FAM111B: variants seen among roughly 807,000 people sequenced by gnomAD.
The protein encoded by FAM111B is FAM111 trypsin like peptidase B, also known as serine protease FAM111B.
A neutral mutation model predicts 2.8 loss-of-function variants in FAM111B; 1 was observed. The ratio of observed to expected loss-of-function variants is 0.36; its 90% CI spans 0.13 to 1.70. FAM111B has a LOEUF of 1.70. Ranked by LOEUF, FAM111B falls within the 40% of genes most tolerant of loss-of-function variation. FAM111B has a pLI of 0.35. For missense variants in FAM111B, 882 were observed against 878.9 expected, an observed-to-expected ratio of 1.00 and a Z score of -0.04; for synonymous variants, 297 against 295.6, an observed-to-expected ratio of 1.00 and a Z score of -0.05.
intron 3 of FAM111B, among the ~76,000 whole-genome samples, chr11:59,123,543 A>G (rs965090932): frequency 1.3e-5 from 2 of 152,206 alleles, no homozygotes; most frequent in African/African-American, 4.8e-5. Flanking sequence ...TGCACACAAA[A>G]ATGTTATGTT....
chr11:59,113,657 G>C (rs575053561), intron 3 of FAM111B, among the ~76,000 whole-genome samples: 8 of 152,148 alleles, frequency 5.3e-5, no homozygotes, highest in Non-Finnish European at 1.0e-4. Context: ...TCCCTCCCCA[G>C]ACAAAAGCTC....
Position 59,125,957 on chromosome 11 carries a change from A to G in FAM111B, c.1860A>G (p.Val620=). ...ATCTCTATGATACCACCAGTAATGT[A>G]TACTGTATGTTTACCCAAAGAAGTT... ...LVDLYDTTSN[V]YCMFTQRSFL... is the part of the protein sequence containing the mutation. The change falls in exon 4 of 4, where the codon GTA becomes GTG. Residue 620 remains valine (V), a synonymous_variant. Coordinates refer to ENST00000343597, the MANE Select transcript of FAM111B (RefSeq NM_198947.4). The G allele has an allele frequency of 6.2e-7, 1 of 1,613,890 alleles. No homozygotes were observed. The highest frequency in any genetic ancestry group is 8.5e-7 in the Non-Finnish European group (1 of 1,179,834).
chr11:59,112,107 C>A (rs1859767271), intron 3 of FAM111B, among the ~76,000 whole-genome samples: 1 of 152,158 alleles, frequency 6.6e-6, no homozygotes, highest in South Asian at 2.1e-4. Context: ...AGTTCCATCA[C>A]CCTAAATAAT....
intron 3 of FAM111B, among the ~76,000 whole-genome samples, chr11:59,121,267 T>C (rs1443297821): frequency 6.6e-6 from 1 of 151,942 alleles, no homozygotes; most frequent in African/African-American, 2.4e-5. Flanking sequence ...CTAGAATCAA[T>C]AATAAAAAGA....
At chr11:59,112,828 A>T (rs1859780322) in intron 3 of FAM111B, among the ~76,000 whole-genome samples, 1 of 152,162 alleles carries the variant, frequency 6.6e-6, no homozygotes, top group Non-Finnish European at 1.5e-5. Flanking sequence ...TTCCCATTTT[A>T]TACTTGTTAG....
chr11:59,126,414 T>C lies in FAM111B; in HGVS notation c.*112T>C, dbSNP rs1371810460. ...GTGAAAATTGGCAAATGAGACCTAA[T>C]TAAATCTTCTGCACAGCAAAAGAAA... On this transcript the variant is annotated 3_prime_UTR_variant, in exon 4 of 4. Coordinates refer to ENST00000343597, the MANE Select transcript of FAM111B (RefSeq NM_198947.4). 1.5e-5 allele frequency: 12 copies of C among 806,644 alleles called. No individual in the cohort carries two copies. In the South Asian group the frequency reaches 1.5e-4, roughly 10 times the overall value. 50.0% of individuals were successfully genotyped at this position (806,644 alleles called of 1,614,324 possible).
In FAM111B at chr11:59,125,010, G is replaced by T; in HGVS notation, c.913G>T (p.Val305Phe). The T allele has an allele frequency of 6.2e-7, 1 of 1,612,656 alleles. No individual in the cohort carries two copies. The highest frequency in any genetic ancestry group is 8.5e-7 in the Non-Finnish European group (1 of 1,179,684). The stretch of plus-strand genomic sequence containing the variant: ...GAGTCTGATACAGTCTAAGAAAAAA[G>T]TCCACAAACCAAAGAAAGATGGAGA... The part of the protein sequence containing the change: ...HQSLIQSKKK[V>F]HKPKKDGETK... The change falls in exon 4 of 4, where the codon GTC (valine) becomes TTC (phenylalanine). Residue 305 changes from valine to phenylalanine, a missense_variant. Coordinates refer to ENST00000343597, the MANE Select transcript of FAM111B (RefSeq NM_198947.4).
Position 59,124,430 on chromosome 11 carries a change from G to T in FAM111B, c.333G>T (p.Leu111=), listed in dbSNP as rs1859975877. The T allele has an allele frequency of 6.2e-7, 1 of 1,613,524 alleles. No homozygotes were observed. Among genetic ancestry groups the T allele is most frequent in the Admixed American group, 1.7e-5 (1 of 59,986 alleles). Residue 111 remains leucine (L), a synonymous_variant, in exon 4 of 4, where the codon CTG becomes CTT. Transcript: ENST00000343597. ...CCAGCGAGAGTATCTACTCAGCCCT[G>T]AGTGCTAATGACTATTTCAGTGAAA... is the stretch of plus-strand genomic sequence containing the variant. The part of the protein sequence containing the change: ...GKPSESIYSA[L]SANDYFSERI...
At chr11:59,118,987 T>A (rs1859881348) in intron 3 of FAM111B, among the ~76,000 whole-genome samples, 1 of 152,216 alleles carries the variant, frequency 6.6e-6, no homozygotes, top group South Asian at 2.1e-4. Context: ...AGCTAATATA[T>A]CCCTATTGCT....
chr11:59,124,164 T>C lies in FAM111B; in HGVS notation c.82-15T>C. 6.4e-7 allele frequency: 1 copy of C among 1,569,298 alleles called. No homozygotes were observed. Among genetic ancestry groups the C allele is most frequent in the Non-Finnish European group, 8.6e-7 (1 of 1,156,906 alleles). On this transcript the variant is annotated splice_polypyrimidine_tract_variant and intron_variant, in intron 3 of 3. Transcript: ENST00000343597. ...AGGTGATTCTTGTTAACCTCTTTAATCTTTCCTTTTTAAGGATACTGTCAT... is the reference window on the plus strand; with the variant it reads ...AGGTGATTCTTGTTAACCTCTTTAACCTTTCCTTTTTAAGGATACTGTCAT...
chr11:59,123,204 C>G (rs1859950096), intron 3 of FAM111B, among the ~76,000 whole-genome samples: 1 of 152,136 alleles, frequency 6.6e-6, no homozygotes, highest in South Asian at 2.1e-4. Context: ...TAATGGGAAT[C>G]CTTGAAAGGT....
intron 3 of FAM111B, among the ~76,000 whole-genome samples, chr11:59,110,593 T>G: frequency 6.6e-6 from 1 of 151,982 alleles, no homozygotes. Flanking sequence ...CTTTGGGAGG[T>G]GATAGATAGG....
Position 59,127,317 on chromosome 11 carries a change from A to C in FAM111B, c.*1015A>C, listed in dbSNP as rs991796999. The stretch of plus-strand genomic sequence containing the variant: ...ATTACCTGGGTGATGAAATAATCTG[A>C]ACACAAAACCCTGGTGACATGCAGT... On this transcript the variant is annotated 3_prime_UTR_variant, in exon 4 of 4. Coordinates refer to ENST00000343597, the MANE Select transcript of FAM111B (RefSeq NM_198947.4). 2 of 152,156 alleles carry C rather than the reference A, an allele frequency of 1.3e-5. No homozygotes were observed. Among genetic ancestry groups the C allele is most frequent in the African/African-American group, 4.8e-5 (2 of 41,446 alleles). The allele number at this position is 152,156 out of a possible 1,614,324, so 9.4% of individuals were successfully genotyped here. A position where few individuals can be genotyped will look rare whatever the true frequency, so the allele number is the denominator to read the frequency against.
chr11:59,125,150 T>G lies in FAM111B; in HGVS notation c.1053T>G (p.Cys351Trp). Residue 351 changes from cysteine to tryptophan, a missense_variant, in exon 4 of 4, where the codon TGT becomes TGG. Physicochemically the swap from Cys to Trp is radical, Grantham distance 215. Coordinates refer to ENST00000343597, the MANE Select transcript of FAM111B (RefSeq NM_198947.4). Reference sequence around the variant, plus strand: ...CCAGGATTAGAAATTATTACTTTTGTAGTTTGCCCCGAAAATATAGGCAAA... The same window carrying G: ...CCAGGATTAGAAATTATTACTTTTGGAGTTTGCCCCGAAAATATAGGCAAA... Reference protein sequence around the residue: ...TIPRIRNYYFCSLPRKYRQIN... With the variant: ...TIPRIRNYYFWSLPRKYRQIN... 6.2e-7 allele frequency: 1 copy of G among 1,613,958 alleles called. No homozygotes were observed. The highest frequency in any genetic ancestry group is 8.5e-7 in the Non-Finnish European group (1 of 1,179,854).
chr11:59,117,536 C>T lies in FAM111B; in HGVS notation c.82-6643C>T, dbSNP rs75096359. Among the ~76,000 whole-genome samples the T allele has an allele frequency of 9.5e-3, 1,441 of 152,256 alleles. 24 individuals carry two copies. Among genetic ancestry groups the T allele is most frequent in the African/African-American group, 0.033 (1,372 of 41,540 alleles). ...GCCTGGCCTTTCACATATATTATCT[C>T]ACTTACCAAGCACAGATCAGAGATG... is the stretch of plus-strand genomic sequence containing the variant. On this transcript the variant is annotated intron_variant, in intron 3 of 3. Coordinates refer to ENST00000343597, the MANE Select transcript of FAM111B (RefSeq NM_198947.4).
rs777021787 is a variant in FAM111B, at chr11:59,125,407, A to G, written c.1310A>G (p.Asp437Gly). ...AAGCAATTCAACATATATAAAAAGGACTTCGGAAAAATGACTGCAAATTCT... is the reference window on the plus strand; with the variant it reads ...AAGCAATTCAACATATATAAAAAGGGCTTCGGAAAAATGACTGCAAATTCT... ...PAKQFNIYKK[D>G]FGKMTANSVS... Residue 437 changes from aspartate to glycine, a missense_variant, in exon 4 of 4, where the codon GAC (aspartate) becomes GGC (glycine). By Grantham distance (94) the Asp-to-Gly change is moderately conservative (BLOSUM62 -1). Transcript: ENST00000343597. 3 of 1,613,956 alleles carry G rather than the reference A, an allele frequency of 1.9e-6. No individual in the cohort carries two copies. The South Asian group carries it at 3.3e-5, about 18-fold the overall frequency.
In FAM111B at chr11:59,126,258, G is replaced by C; in HGVS notation, c.2161G>C (p.Glu721Gln). Reference protein sequence around the residue: ...ETYDEEKGKQESSLQDHQIEP... With the variant: ...ETYDEEKGKQQSSLQDHQIEP... The stretch of plus-strand genomic sequence containing the variant: ...CTACGATGAAGAGAAAGGTAAACAA[G>C]AGTCATCACTTCAAGATCATCAGAT... The change falls in exon 4 of 4, where the codon GAG becomes CAG. Residue 721 changes from glutamate (E) to glutamine (Q), a missense_variant. Physicochemically the swap from Glu to Gln is conservative, Grantham distance 29 (BLOSUM62 2). Coordinates refer to ENST00000343597, the MANE Select transcript of FAM111B (RefSeq NM_198947.4). 1.3e-6 allele frequency: 2 copies of C among 1,581,938 alleles called. No individual in the cohort carries two copies. Among genetic ancestry groups the C allele is most frequent in the East Asian group, 2.2e-5 (1 of 44,698 alleles).
chr11:59,122,509 A>T (rs997927367), intron 3 of FAM111B, among the ~76,000 whole-genome samples: 3 of 152,220 alleles, frequency 2.0e-5, no homozygotes, highest in South Asian at 4.1e-4. Flanking sequence ...ACAGTTTTTT[A>T]AAAACACAGT....
chr11:59,119,545 T>C (rs796130170), intron 3 of FAM111B, among the ~76,000 whole-genome samples: 14 of 152,290 alleles, frequency 9.2e-5, no homozygotes, highest in African/African-American at 3.4e-4. Flanking sequence ...GGATGCTGCT[T>C]TTTTTTATTT....
Sources: gnomAD v4.1 joint callset for allele counts (sites outside exome capture counted in the v4.1 genomes callset) on GRCh38, gnomAD v4.1.1 for gene constraint, MANE v1.5 for transcripts, NCBI Gene and HGNC (gene_info 2026-07-23, HGNC 2026-07-21) for gene names.